The following MTA3 variants were observed in gnomAD, a reference collection of about 807,000 sequenced individuals.
MTA3 encodes the protein metastasis-associated protein MTA3.
In MTA3, 34 loss-of-function variants were observed where a neutral mutation model predicts 83.5. The ratio of observed to expected loss-of-function variants is 0.41; its 90% confidence interval spans 0.31 to 0.54. MTA3 has a LOEUF of 0.54. Among genes scored for constraint, MTA3 ranks in the 20% least tolerant of loss-of-function variants. MTA3 has a pLI of 0.33. For synonymous variants in MTA3, 303 were observed against 252.7 expected (o/e 1.20, Z -1.89); for missense variants, 761 against 726.4 (o/e 1.05, Z -0.55).
Position 42,650,872 on chromosome 2 carries a change from C to G in MTA3, c.500-5328C>G, listed in dbSNP as rs368623467. Among the ~76,000 whole-genome samples, 17 of 152,296 alleles carry G rather than the reference C, an allele frequency of 1.1e-4. No individual in the cohort carries two copies. The East Asian group carries it at 1.7e-3, about 16-fold the overall frequency. On this transcript the variant is annotated intron_variant, in intron 6 of 16. Transcript: ENST00000405094. ...TATTCAAAACATTTTATATCTACTT[C>G]CAGAACTAATTCTTTTGTGGCCATG...
chr2:42,584,385 A>T (rs189482844), intron 3 of MTA3, among the ~76,000 whole-genome samples: 1 of 152,190 alleles, frequency 6.6e-6, no homozygotes, highest in African/African-American at 2.4e-5. Context: ...ACATCTTTCA[A>T]ACTTAAAGTG....
At chr2:42,581,548 C>CTT (rs200463680) in intron 3 of MTA3, among the ~76,000 whole-genome samples, 1 of 137,844 alleles carries the variant, frequency 7.3e-6, no homozygotes. Flanking sequence ...AATTAAAAAA[C>CTT]TTTTTTTTTT....
intron 3 of MTA3, among the ~76,000 whole-genome samples, chr2:42,606,010 A>G (rs74760880): frequency 1.7e-3 from 4 of 2,312 alleles, no homozygotes; most frequent in Admixed American, 5.7e-3. Flanking sequence ...GCGGCTGGCC[A>G]GGTGGGGGGC....
intron 8 of MTA3, among the ~76,000 whole-genome samples, chr2:42,671,640 C>G (rs1022342132): frequency 1.3e-5 from 2 of 152,068 alleles, no homozygotes; most frequent in Non-Finnish European, 2.9e-5. Flanking sequence ...TTTTTATTAT[C>G]ATTTGGTTCT....
intron 16 of MTA3, among the ~76,000 whole-genome samples, chr2:42,748,095 C>A (rs1055971604): frequency 6.6e-6 from 1 of 152,120 alleles, no homozygotes; most frequent in African/African-American, 2.4e-5. Flanking sequence ...GTGGCGCGAT[C>A]TCAGCTCTCT....
At chr2:42,511,233 CAACAGT>C (rs913192742) in intron 2 of MTA3, among the ~76,000 whole-genome samples, 9 of 151,916 alleles carry the variant, frequency 5.9e-5, no homozygotes, top group African/African-American at 1.5e-4. Flanking sequence ...ATATACTCTT[CAACAGT>C]AATTGCATTT....
At chr2:42,658,647 G>A (rs1689394180) in intron 7 of MTA3, among the ~76,000 whole-genome samples, 1 of 152,156 alleles carries the variant, frequency 6.6e-6, no homozygotes. Context: ...AGCTTGAGGA[G>A]CCTCTGGGTT....
intron 2 of MTA3, among the ~76,000 whole-genome samples, chr2:42,537,238 G>A (rs1185715923): frequency 6.6e-6 from 1 of 152,180 alleles, no homozygotes; most frequent in Non-Finnish European, 1.5e-5. Context: ...TCAAGTCCAA[G>A]TTGGGGAACA....
chr2:42,723,707 A>C (rs1667601603), intron 16 of MTA3, among the ~76,000 whole-genome samples: 2 of 152,312 alleles, frequency 1.3e-5, no homozygotes, highest in African/African-American at 2.4e-5. Flanking sequence ...TCTTCATTTC[A>C]GTAGTTCTGG....
At chr2:42,750,659 A>C (rs7591304) in intron 16 of MTA3, among the ~76,000 whole-genome samples, 107,746 of 152,050 alleles carry the variant, frequency 0.71, 39,076 homozygotes, top group African/African-American at 0.86. Flanking sequence ...CTGCATTCTG[A>C]GAGCTTCATG....
rs961688701 is a variant in MTA3, at chr2:42,657,436, A to G, written c.602+1134A>G. Among the ~76,000 whole-genome samples the G allele has an allele frequency of 4.6e-5, 7 of 152,276 alleles. No individual in the cohort carries two copies. The East Asian group carries it at 1.2e-3, about 25-fold the overall frequency. Reference sequence around the variant, plus strand: ...CTTGTGGCCCCTTGTTGAGTACAGAATATTGGTCTAGAGTCTCCAGACAGG... The same window carrying G: ...CTTGTGGCCCCTTGTTGAGTACAGAGTATTGGTCTAGAGTCTCCAGACAGG... On this transcript the variant is annotated intron_variant, in intron 7 of 16. Coordinates refer to ENST00000405094, the MANE Select transcript of MTA3 (RefSeq NM_001330442.2).
At chr2:42,620,075 T>C (rs566570961) in intron 4 of MTA3, among the ~76,000 whole-genome samples, 1 of 152,136 alleles carries the variant, frequency 6.6e-6, no homozygotes, top group Non-Finnish European at 1.5e-5. Flanking sequence ...ACGTTGACAG[T>C]GTTTGCAACC....
intron 16 of MTA3, among the ~76,000 whole-genome samples, chr2:42,734,470 CTT>C (rs3040123): frequency 0.02 from 1,605 of 82,256 alleles, 41 homozygotes; most frequent in African/African-American, 0.082. Flanking sequence ...ATCACGGGGC[CTT>C]TTTTTTTTTT....
intron 16 of MTA3, among the ~76,000 whole-genome samples, chr2:42,737,366 C>G (rs1054336953): frequency 6.6e-6 from 1 of 152,188 alleles, no homozygotes; most frequent in Admixed American, 6.5e-5. Context: ...CTGTGGGCAC[C>G]GGCTGAGTTC....
intron 2 of MTA3, among the ~76,000 whole-genome samples, chr2:42,525,426 C>A (rs1007953945): frequency 6.6e-6 from 1 of 151,374 alleles, no homozygotes; most frequent in Non-Finnish European, 1.5e-5. Flanking sequence ...TCTTGCACTC[C>A]TGAGCTCAGG....
chr2:42,521,584 A>G (rs1675431569), intron 2 of MTA3, among the ~76,000 whole-genome samples: 1 of 152,226 alleles, frequency 6.6e-6, no homozygotes, highest in Non-Finnish European at 1.5e-5. Flanking sequence ...GGATTTCCAT[A>G]TTATTACACA....
chr2:42,634,099 C>T (rs780229820), intron 4 of MTA3, among the ~76,000 whole-genome samples: 2 of 151,980 alleles, frequency 1.3e-5, no homozygotes, highest in Non-Finnish European at 2.9e-5. Context: ...GCAGAGAGGC[C>T]AGGGATGCTG....
At chr2:42,707,074 G>C (rs1666159399) in intron 12 of MTA3, among the ~76,000 whole-genome samples, 1 of 149,042 alleles carries the variant, frequency 6.7e-6, no homozygotes, top group Admixed American at 6.8e-5. Flanking sequence ...AAGCAGTCCT[G>C]CTGCCTCAGT....
At chr2:42,565,926 C>A (rs1316402931), upstream of MTA3, among the ~76,000 whole-genome samples, 1 of 152,090 alleles carries the variant, frequency 6.6e-6, no homozygotes, top group African/African-American at 2.4e-5. Context: ...ATTGCTTGAG[C>A]CTCGGAGGTG....
Sources: gnomAD v4.1 joint callset for allele counts (sites outside exome capture counted in the v4.1 genomes callset) on GRCh38, gnomAD v4.1.1 for gene constraint, MANE v1.5 for transcripts, NCBI Gene and HGNC (gene_info 2026-07-23, HGNC 2026-07-21) for gene names.